Variants in L3MBTL4 observed in about 807,000 individuals in gnomAD.
The protein encoded by L3MBTL4 is lethal(3)malignant brain tumor-like protein 4.
A neutral mutation model predicts 84.5 loss-of-function variants in L3MBTL4; 70 were observed. That is an observed-to-expected ratio of 0.83 (90% CI 0.68 to 1.01). The LOEUF is 1.01. Ranked by LOEUF, L3MBTL4 falls within the 50% of genes least tolerant of loss-of-function variation. L3MBTL4 has a pLI of 0.00. For synonymous variants in L3MBTL4, 274 were observed against 259.8 expected, an observed-to-expected ratio of 1.05 and a Z score of -0.52; for missense variants, 715 against 754.8, an observed-to-expected ratio of 0.95 and a Z score of 0.62.
At position 6,389,255 on chromosome 18, in the gene L3MBTL4, C is replaced by T. The variant is rs1020778012; in HGVS notation, c.-91+25546G>A. Among the ~76,000 whole-genome samples the T allele has an allele frequency of 5.9e-5, 9 of 152,170 alleles. 1 individual carries two copies. Among genetic ancestry groups the T allele is most frequent in the South Asian group, 4.2e-4 (2 of 4,812 alleles). On this transcript the variant is annotated intron_variant, in intron 1 of 18. Transcript: ENST00000317931. ...CAGACAAACAAATGCTGAGGGAATT[C>T]GTCACTACCAGAATAGTCCTACAAG...
At chr18:6,256,385 A>C (rs1287727527) in intron 5 of L3MBTL4, among the ~76,000 whole-genome samples, 1 of 152,052 alleles carries the variant, frequency 6.6e-6, no homozygotes, top group East Asian at 1.9e-4. Flanking sequence ...TGTTCAAATA[A>C]GGCTGTCTTG....
intron 1 of L3MBTL4, chr18:6,395,197 C>T (rs1230035867): frequency 6.6e-6 from 1 of 152,128 alleles, no homozygotes; most frequent in African/African-American, 2.4e-5. Context: ...CAAAGTGAGA[C>T]CCTGTCTCAA....
intron 1 of L3MBTL4, among the ~76,000 whole-genome samples, chr18:6,314,852 G>C (rs1478733070): frequency 6.6e-6 from 1 of 152,096 alleles, no homozygotes; most frequent in African/African-American, 2.4e-5. Context: ...TATAGTCACA[G>C]GTACCTTGAG....
At chr18:6,170,673 C>T (rs1272264148) in intron 13 of L3MBTL4, among the ~76,000 whole-genome samples, 1 of 152,086 alleles carries the variant, frequency 6.6e-6, no homozygotes, top group Admixed American at 6.5e-5. Flanking sequence ...TCCACGCCTA[C>T]CCCAGCGGAA....
chr18:6,208,111 T>C (rs995057963), intron 12 of L3MBTL4, among the ~76,000 whole-genome samples: 8 of 136,386 alleles, frequency 5.9e-5, no homozygotes, highest in African/African-American at 2.2e-4. Flanking sequence ...CAAGACCCTG[T>C]CTAAAAAATA....
At chr18:6,329,971 T>A (rs2051940554) in intron 1 of L3MBTL4, among the ~76,000 whole-genome samples, 1 of 152,232 alleles carries the variant, frequency 6.6e-6, no homozygotes, top group African/African-American at 2.4e-5. Flanking sequence ...GTGACACCCA[T>A]CCATACTGTT....
At chr18:6,060,779 G>T (rs2057188353) in intron 16 of L3MBTL4, among the ~76,000 whole-genome samples, 1 of 151,966 alleles carries the variant, frequency 6.6e-6, no homozygotes, top group Non-Finnish European at 1.5e-5. Flanking sequence ...CTTTCAGGCT[G>T]GCTTCTTTCA....
chr18:6,218,358 G>T (rs1344188948), intron 10 of L3MBTL4, among the ~76,000 whole-genome samples: 1 of 152,164 alleles, frequency 6.6e-6, no homozygotes, highest in African/African-American at 2.4e-5. Context: ...CCACATTTCT[G>T]TGTAGATTTT....
At chr18:6,031,809 T>C (rs1193324675) in intron 16 of L3MBTL4, 53 of 916,488 alleles carry the variant, frequency 5.8e-5, no homozygotes, top group East Asian at 1.4e-4. Context: ...ATCAGATTCA[T>C]GGTTTTTTTT....
rs113012150 is a variant in L3MBTL4 at position 6,308,802 on chromosome 18, C to T, written c.72+2752G>A. Among the ~76,000 whole-genome samples the T allele has an allele frequency of 4.8e-3, 733 of 152,026 alleles. 6 individuals are homozygous for T. The highest frequency in any genetic ancestry group is 0.016 in the African/African-American group (680 of 41,438). ...CGAGAAACTGTACACAGTGGTCACA[C>T]GGTTAGGAAAATATTTAGGGGTTTA... is the stretch of plus-strand genomic sequence containing the variant. On this transcript the variant is annotated intron_variant, in intron 3 of 18. Coordinates refer to ENST00000317931, the MANE Select transcript of L3MBTL4 (RefSeq NM_001330559.2).
chr18:6,390,094 A>G (rs373951125), intron 1 of L3MBTL4, among the ~76,000 whole-genome samples: 6 of 152,168 alleles, frequency 3.9e-5, no homozygotes, highest in East Asian at 3.8e-4. Flanking sequence ...AGTCATATCA[A>G]GTATCTTTTC....
chr18:6,351,983 T>A (rs2053221831), intron 1 of L3MBTL4, among the ~76,000 whole-genome samples: 1 of 151,872 alleles, frequency 6.6e-6, no homozygotes, highest in Non-Finnish European at 1.5e-5. Context: ...ACCACTCAAG[T>A]CAAAAGTTGA....
chr18:6,124,568 A>G (rs1014348153), intron 14 of L3MBTL4, among the ~76,000 whole-genome samples: 1 of 152,008 alleles, frequency 6.6e-6, no homozygotes, highest in African/African-American at 2.4e-5. Flanking sequence ...AAGCAACAGG[A>G]CAGAGAGAGC....
At chr18:6,079,197 T>G (rs968241260) in intron 16 of L3MBTL4, among the ~76,000 whole-genome samples, 16 of 152,100 alleles carry the variant, frequency 1.1e-4, no homozygotes, top group African/African-American at 3.9e-4. Flanking sequence ...CCACTTTGAT[T>G]GACAAAAGGC....
At chr18:6,311,189 C>T (rs564382050) in intron 3 of L3MBTL4, among the ~76,000 whole-genome samples, 1 of 152,002 alleles carries the variant, frequency 6.6e-6, no homozygotes, top group East Asian at 1.9e-4. Flanking sequence ...TACACAAACA[C>T]AAAAATATCA....
chr18:6,217,337 T>A (rs1030281893), intron 10 of L3MBTL4, among the ~76,000 whole-genome samples: 5 of 152,150 alleles, frequency 3.3e-5, no homozygotes, highest in African/African-American at 1.2e-4. Flanking sequence ...ACCACAGAGA[T>A]TTGTTTTCTT....
intron 16 of L3MBTL4, chr18:6,029,744 A>G (rs1472369418): frequency 4.1e-6 from 4 of 985,124 alleles, no homozygotes; most frequent in Non-Finnish European, 4.8e-6. Context: ...CAATCCAAAA[A>G]TTAACCAACT....
intron 12 of L3MBTL4, among the ~76,000 whole-genome samples, chr18:6,180,560 T>C (rs2044423364): frequency 2.0e-5 from 3 of 152,200 alleles, no homozygotes; most frequent in Admixed American, 2.0e-4. Context: ...TCCTTTCCCA[T>C]AACAAATATC....
At chr18:6,042,076 C>T (rs2056427205) in intron 16 of L3MBTL4, among the ~76,000 whole-genome samples, 2 of 152,126 alleles carry the variant, frequency 1.3e-5, no homozygotes, top group African/African-American at 2.4e-5. Context: ...CAGGTTTCCC[C>T]AACTGCCATA....
Sources: allele counts gnomAD v4.1 joint callset (sites outside exome capture counted in the v4.1 genomes callset), GRCh38; gene constraint gnomAD v4.1.1; transcripts MANE v1.5; gene names NCBI Gene and HGNC (gene_info 2026-07-23, HGNC 2026-07-21).